Variants in BABAM2 observed in about 807,000 individuals in gnomAD.
The protein encoded by BABAM2 is BRISC and BRCA1-A complex member 2.
BABAM2 carries 31 observed loss-of-function variants against 54.7 expected under a neutral mutation model. That is an observed-to-expected ratio of 0.57 (90% confidence interval 0.43 to 0.77). The LOEUF (loss-of-function observed/expected upper bound fraction) is 0.77. Among genes scored for constraint, BABAM2 ranks in the 30% least tolerant of loss-of-function variants. The pLI, the probability that BABAM2 is intolerant of heterozygous loss-of-function variation, is 0.00. For missense variants in BABAM2, 364 were observed against 455.8 expected (o/e 0.80, Z 1.83); for synonymous variants, 167 against 162.9 (o/e 1.03, Z -0.19).
intron 2 of BABAM2, among the ~76,000 whole-genome samples, chr2:27,899,241 G>C (rs983822409): frequency 6.6e-5 from 10 of 152,152 alleles, no homozygotes; most frequent in African/African-American, 2.4e-4. Context: ...CCTGACAGGG[G>C]CCTGATGGCT....
At chr2:27,960,316 A>G (rs1670376464) in intron 3 of BABAM2, among the ~76,000 whole-genome samples, 1 of 152,220 alleles carries the variant, frequency 6.6e-6, no homozygotes, top group East Asian at 1.9e-4. Flanking sequence ...GAGCTAAAGT[A>G]TAAGGCATAG....
At chr2:28,263,933 A>G (rs1335546905) in intron 10 of BABAM2, among the ~76,000 whole-genome samples, 1 of 152,222 alleles carries the variant, frequency 6.6e-6, no homozygotes, top group Non-Finnish European at 1.5e-5. Flanking sequence ...CAGTAATGAG[A>G]AACTTTGCAT....
intron 2 of BABAM2, among the ~76,000 whole-genome samples, chr2:27,911,791 T>C (rs964952112): frequency 6.6e-6 from 1 of 152,206 alleles, no homozygotes; most frequent in Admixed American, 6.5e-5. Flanking sequence ...CTAGATCTGA[T>C]CTGTTTTCCA....
At chr2:28,152,202 A>T (rs540081517) in intron 7 of BABAM2, among the ~76,000 whole-genome samples, 1 of 152,312 alleles carries the variant, frequency 6.6e-6, no homozygotes, top group East Asian at 1.9e-4. Context: ...ACTTGCCTTA[A>T]ACAATTGAGA....
intron 6 of BABAM2, among the ~76,000 whole-genome samples, chr2:28,112,850 A>G (rs1668257388): frequency 6.6e-6 from 1 of 152,146 alleles, no homozygotes; most frequent in South Asian, 2.1e-4. Context: ...ATTTCTCCAC[A>G]TCCTTGCCAG....
At chr2:28,310,708 A>T (rs1243396064) in intron 11 of BABAM2, among the ~76,000 whole-genome samples, 1 of 151,266 alleles carries the variant, frequency 6.6e-6, no homozygotes, top group Non-Finnish European at 1.5e-5. Flanking sequence ...ACATGGTGAA[A>T]CCCTGTCTCT....
chr2:28,309,022 A>G (rs1389003315), intron 11 of BABAM2: 1 of 152,330 alleles, frequency 6.6e-6, no homozygotes, highest in Non-Finnish European at 1.5e-5. Flanking sequence ...TCTGTGGGTT[A>G]GGAGTCCCAC....
intron 6 of BABAM2, among the ~76,000 whole-genome samples, chr2:28,100,534 G>GT (rs1666995359): frequency 6.6e-6 from 1 of 150,822 alleles, no homozygotes. Flanking sequence ...ATGCTTTTGT[G>GT]TATATGTGTA....
chr2:27,939,915 A>T (rs1469331959), intron 3 of BABAM2, among the ~76,000 whole-genome samples: 1 of 152,222 alleles, frequency 6.6e-6, no homozygotes, highest in African/African-American at 2.4e-5. Context: ...AATAAAAAAG[A>T]TCAGAAGATT....
chr2:28,331,216 C>A (rs1331674650), intron 11 of BABAM2, among the ~76,000 whole-genome samples: 1 of 152,122 alleles, frequency 6.6e-6, no homozygotes, highest in Non-Finnish European at 1.5e-5. Context: ...ACTATAAAAA[C>A]CCTAGAAGAA....
chr2:28,220,301 A>G (rs1680282404), intron 7 of BABAM2, among the ~76,000 whole-genome samples: 1 of 152,226 alleles, frequency 6.6e-6, no homozygotes. Context: ...TTTGTACAAT[A>G]TATCAACCTT....
chr2:28,288,702 T>C (rs1687026366), intron 10 of BABAM2, among the ~76,000 whole-genome samples: 1 of 152,230 alleles, frequency 6.6e-6, no homozygotes, highest in Non-Finnish European at 1.5e-5. Flanking sequence ...TCTTTTCCTT[T>C]CTATGAGATA....
chr2:28,141,024 CTT>C (rs1671004085), intron 7 of BABAM2, among the ~76,000 whole-genome samples: 1 of 152,136 alleles, frequency 6.6e-6, no homozygotes, highest in African/African-American at 2.4e-5. Flanking sequence ...CCTCATATCT[CTT>C]CTTTTTCTTG....
At chr2:27,983,234 G>A (rs749985090) in intron 3 of BABAM2, among the ~76,000 whole-genome samples, 11 of 151,510 alleles carry the variant, frequency 7.3e-5, no homozygotes, top group Non-Finnish European at 1.6e-4. Context: ...ATACTTTTTT[G>A]CCCCATTGAA....
At chr2:28,266,038 G>C (rs1684956664) in intron 10 of BABAM2, among the ~76,000 whole-genome samples, 1 of 151,740 alleles carries the variant, frequency 6.6e-6, no homozygotes, top group Non-Finnish European at 1.5e-5. Context: ...AGGCTGGAGA[G>C]CAATGGCACT....
intron 6 of BABAM2, among the ~76,000 whole-genome samples, chr2:28,105,858 A>G (rs1667477342): frequency 1.3e-5 from 2 of 152,122 alleles, no homozygotes; most frequent in South Asian, 2.1e-4. Flanking sequence ...TACATAATTT[A>G]TCATGCAACT....
At chr2:28,245,142 T>C (rs1268116973) in intron 10 of BABAM2, among the ~76,000 whole-genome samples, 1 of 151,952 alleles carries the variant, frequency 6.6e-6, no homozygotes, top group Non-Finnish European at 1.5e-5. Flanking sequence ...ATCTAATGGG[T>C]AGAGGTCAGT....
At chr2:28,226,674 A>G (rs1680917337) in intron 7 of BABAM2, among the ~76,000 whole-genome samples, 1 of 152,204 alleles carries the variant, frequency 6.6e-6, no homozygotes, top group Non-Finnish European at 1.5e-5. Context: ...AGAAGCTGAC[A>G]TTTGAGTAAG....
chr2:28,223,896 A>G (rs7557068), intron 7 of BABAM2, among the ~76,000 whole-genome samples: 24,077 of 152,088 alleles, frequency 0.16, 2,676 homozygotes, highest in African/African-American at 0.31. Context: ...ATGCTATGCT[A>G]GAACAAGGGT....
Sources: allele counts gnomAD v4.1 joint callset (sites outside exome capture counted in the v4.1 genomes callset), GRCh38; gene constraint gnomAD v4.1.1; transcripts MANE v1.5; gene names NCBI Gene and HGNC (gene_info 2026-07-23, HGNC 2026-07-21).